The following SPOCK2 variants were observed in gnomAD, a reference collection of about 807,000 sequenced individuals.
The protein encoded by SPOCK2 is SPARC (osteonectin), cwcv and kazal like domains proteoglycan 2, also known as testican-2.
In SPOCK2, 39 loss-of-function variants were observed where a neutral mutation model predicts 60.1. That is an observed-to-expected ratio of 0.65 (90% CI 0.50 to 0.85). The LOEUF is 0.85. Ranked by LOEUF, SPOCK2 falls within the 40% of genes least tolerant of loss-of-function variation. The pLI is 0.00. For synonymous variants in SPOCK2, 217 were observed against 231.5 expected, an observed-to-expected ratio of 0.94 and a Z score of 0.57; for missense variants, 523 against 567.4, an observed-to-expected ratio of 0.92 and a Z score of 0.80.
upstream of SPOCK2, chr10:72,088,987 C>G (rs1227999888): frequency 6.6e-6 from 1 of 152,314 alleles, no homozygotes; most frequent in African/African-American, 2.4e-5. Flanking sequence ...AGTTATGGCT[C>G]TACCGTAATG....
chr10:72,074,985 G>T (rs1453757586), intron 1 of SPOCK2, among the ~76,000 whole-genome samples: 1 of 152,000 alleles, frequency 6.6e-6, no homozygotes, highest in East Asian at 1.9e-4. Context: ...AGCCTGTGGG[G>T]CACCTGGCCC....
At chr10:72,078,263 C>A (rs1314267618) in intron 1 of SPOCK2, among the ~76,000 whole-genome samples, 1 of 152,076 alleles carries the variant, frequency 6.6e-6, no homozygotes, top group Non-Finnish European at 1.5e-5. Context: ...CACCTGTAAT[C>A]CCAGCACTTT....
At chr10:72,078,312 G>A (rs903445261) in intron 1 of SPOCK2, among the ~76,000 whole-genome samples, 1 of 152,002 alleles carries the variant, frequency 6.6e-6, no homozygotes, top group African/African-American at 2.4e-5. Context: ...TCAGGAGATC[G>A]AGCACCCTGG....
In SPOCK2 at chr10:72,059,753, C is replaced by T. The variant is rs1461011903; in HGVS notation, c.*3007G>A. 1 of 152,910 alleles carries T rather than the reference C, an allele frequency of 6.5e-6. No individual in the cohort carries two copies. The highest frequency in any genetic ancestry group is 2.4e-5 in the African/African-American group (1 of 41,436). The allele number at this position is 152,910 out of a possible 1,614,324, so 9.5% of individuals were successfully genotyped here. On this transcript the variant is annotated 3_prime_UTR_variant, in exon 11 of 11. Coordinates refer to ENST00000373109, the MANE Select transcript of SPOCK2 (RefSeq NM_001244950.2). ...AGGGGGCAGTCAAGATGCCGCCACC[C>T]ACCACCCCTCCCTTCCAAGCTCCCA...
Position 72,068,378 on chromosome 10 carries a change from C to T in SPOCK2, c.475-77G>A. On this transcript the variant is annotated intron_variant, in intron 5 of 10. Coordinates refer to ENST00000373109, the MANE Select transcript of SPOCK2 (RefSeq NM_001244950.2). The stretch of plus-strand genomic sequence containing the variant: ...CCCACAGCTGGGGACACCCTCAAGC[C>T]TCTCATGGCAGCCACATCTGCCTCC... 19 of 1,429,472 alleles carry T rather than the reference C, an allele frequency of 1.3e-5. No homozygotes were observed. In the South Asian group the frequency reaches 2.5e-4, roughly 19 times the overall value. 88.5% of individuals were successfully genotyped at this position (1,429,472 alleles called of 1,614,324 possible).
chr10:72,068,368 A>C (rs988021897), intron 5 of SPOCK2, 67 bp from the exon 6 acceptor site: 3 of 1,451,412 alleles, frequency 2.1e-6, no homozygotes, highest in East Asian at 5.0e-5. Context: ...AGCTGGGGAC[A>C]CCCTCAAGCC....
At chr10:72,084,484 G>A (rs770627539) in intron 1 of SPOCK2, among the ~76,000 whole-genome samples, 1 of 152,124 alleles carries the variant, frequency 6.6e-6, no homozygotes, top group Non-Finnish European at 1.5e-5. Context: ...TGGGGAGTAG[G>A]CTATAGGCAG....
At chr10:72,088,618 G>T, upstream of SPOCK2, 4 of 283,282 alleles carry the variant, frequency 1.4e-5, no homozygotes, top group Non-Finnish European at 2.5e-5. Flanking sequence ...ATCATACCTG[G>T]TTTAAAAAAA....
At chr10:72,086,140 C>A in intron 1 of SPOCK2, 1 of 950,274 alleles carries the variant, frequency 1.1e-6, no homozygotes, top group Non-Finnish European at 1.3e-6. Flanking sequence ...TAGAGGACAT[C>A]TGTCCTACAA....
intron 1 of SPOCK2, among the ~76,000 whole-genome samples, chr10:72,081,416 C>T (rs906284883): frequency 6.6e-6 from 1 of 152,250 alleles, no homozygotes; most frequent in Non-Finnish European, 1.5e-5. Flanking sequence ...CTATACAGGG[C>T]AGCCTTGACC....
Position 72,088,427 on chromosome 10 carries a change from G to T in SPOCK2, c.-99C>A. ...GGCGAAGCGCACGCGGCTGTCCTCA[G>T]CTCTCCTCCCGCGGTCTGCCTCCGG... On this transcript the variant is annotated 5_prime_UTR_variant, in exon 1 of 11. In the 5' UTR this introduces an upstream ATG that the reference lacks. Coordinates refer to ENST00000373109, the MANE Select transcript of SPOCK2 (RefSeq NM_001244950.2). The T allele has an allele frequency of 7.3e-7, 1 of 1,367,928 alleles. No homozygotes were observed. Among genetic ancestry groups the T allele is most frequent in the Non-Finnish European group, 9.6e-7 (1 of 1,040,498 alleles). The allele number at this position is 1,367,928 out of a possible 1,614,324, so 84.7% of individuals were successfully genotyped here.
chr10:72,072,905 C>T lies in SPOCK2; in HGVS notation c.195G>A (p.Val65=), dbSNP rs1443268625. 3.9e-6 allele frequency: 6 copies of T among 1,555,048 alleles called. No homozygotes were observed. The highest frequency in any genetic ancestry group is 5.2e-6 in the Non-Finnish European group (6 of 1,148,882). ...IKHWNRFRDE[V]EDDYIKSWED... ...TGGGGTCCTGGGCAGTACTCACCTC[C>T]ACTTCCTGGAGATCAGGGAACAGCA... Residue 65 remains valine, a synonymous_variant, in exon 2 of 11, where the codon GTG becomes GTA. Coordinates refer to ENST00000373109, the MANE Select transcript of SPOCK2 (RefSeq NM_001244950.2).
rs1419461099 is a variant in SPOCK2 at position 72,087,991 on chromosome 10, C to G, written c.189+149G>C. On this transcript the variant is annotated intron_variant, in intron 1 of 10. Transcript: ENST00000373109. This position sits in a 1 kb window ranked among gnomAD's most constrained non-coding sequence, Gnocchi z 4.7. ...ACAGGGGAGGGGCGCTGGGCTGTGA[C>G]CCCCAGTACTGTTTACTTTCCGTGT... 2 of 1,011,490 alleles carry G rather than the reference C, an allele frequency of 2.0e-6. No individual in the cohort carries two copies. The highest frequency in any genetic ancestry group is 2.8e-6 in the Non-Finnish European group (2 of 704,422). The allele number at this position is 1,011,490 out of a possible 1,614,324, so 62.7% of individuals were successfully genotyped here.
At chr10:72,068,488 G>A (rs746472906) in intron 5 of SPOCK2, among the ~76,000 whole-genome samples, 187 bp from the exon 6 acceptor site, 1 of 152,146 alleles carries the variant, frequency 6.6e-6, no homozygotes, top group Admixed American at 6.5e-5. Flanking sequence ...AGCAGGGCCC[G>A]GGAAGCAGGG....
chr10:72,067,540 C>T (rs1840586711), intron 7 of SPOCK2, 73 bp downstream of exon 7: 6 of 1,592,038 alleles, frequency 3.8e-6, no homozygotes, highest in Admixed American at 1.7e-5. Context: ...GCAGACTGGC[C>T]CAGCATACAC....
At chr10:72,082,127 T>C (rs1351199817) in intron 1 of SPOCK2, among the ~76,000 whole-genome samples, 1 of 152,208 alleles carries the variant, frequency 6.6e-6, no homozygotes, top group South Asian at 2.1e-4. Context: ...GTGTAAGTGA[T>C]GCTATGAGGC....
chr10:72,063,698 C>T (rs1015768532), intron 9 of SPOCK2, among the ~76,000 whole-genome samples: 1 of 152,326 alleles, frequency 6.6e-6, no homozygotes, highest in Non-Finnish European at 1.5e-5. Context: ...TGTGTGTTTC[C>T]GGACTGGCCC....
chr10:72,079,892 C>T (rs975320042), intron 1 of SPOCK2, among the ~76,000 whole-genome samples: 33 of 152,172 alleles, frequency 2.2e-4, no homozygotes, highest in African/African-American at 6.7e-4. Flanking sequence ...GCAAGTGAGT[C>T]GCTTCCCTTG....
At chr10:72,082,346 T>C (rs1840796641) in intron 1 of SPOCK2, among the ~76,000 whole-genome samples, 2 of 152,110 alleles carry the variant, frequency 1.3e-5, no homozygotes, top group Admixed American at 6.5e-5. Flanking sequence ...TGGGCATACA[T>C]TTTTCCCATC....
Sources: gnomAD v4.1 joint callset for allele counts (sites outside exome capture counted in the v4.1 genomes callset) on GRCh38, gnomAD v4.1.1 for gene constraint, Gnocchi (gnomAD v3.1) non-coding constraint, MANE v1.5 for transcripts, NCBI Gene and HGNC (gene_info 2026-07-23, HGNC 2026-07-21) for gene names.